PDE4B: variants seen among roughly 807,000 people sequenced by gnomAD.
PDE4B encodes the protein phosphodiesterase 4B.
Under a neutral mutation model 82.2 loss-of-function variants are expected in PDE4B, and 20 were observed. The ratio of observed to expected loss-of-function variants is 0.24; its 90% CI spans 0.17 to 0.35. The LOEUF (loss-of-function observed/expected upper bound fraction) is 0.35, where lower values mean the gene tolerates loss of function less well. Among genes scored for constraint, PDE4B ranks in the 10% least tolerant of loss-of-function variants. The pLI is 1.00. For missense variants in PDE4B, 655 were observed against 907.2 expected, an observed-to-expected ratio of 0.72 and a Z score of 3.57; for synonymous variants, 320 against 318.9, an observed-to-expected ratio of 1.00 and a Z score of -0.04.
At chr1:66,371,644 A>G (rs1417961448) in intron 16 of PDE4B, among the ~76,000 whole-genome samples, 9 of 152,116 alleles carry the variant, frequency 5.9e-5, no homozygotes, top group Admixed American at 5.9e-4. Context: ...CACCGAGGGG[A>G]TATGTGTTTC....
intron 1 of PDE4B, among the ~76,000 whole-genome samples, chr1:65,912,893 G>T (rs1298207488): frequency 6.6e-6 from 1 of 152,014 alleles, no homozygotes; most frequent in African/African-American, 2.4e-5. Context: ...ACAAACTGTT[G>T]CAAGCATCAA....
chr1:65,925,702 C>T (rs949231622), intron 3 of PDE4B, among the ~76,000 whole-genome samples: 2 of 152,072 alleles, frequency 1.3e-5, no homozygotes, highest in African/African-American at 4.8e-5. Flanking sequence ...TGTGCTGCCA[C>T]AATAAATTAA....
chr1:66,121,762 T>C (rs1304791042), intron 3 of PDE4B, among the ~76,000 whole-genome samples: 1 of 152,224 alleles, frequency 6.6e-6, no homozygotes, highest in African/African-American at 2.4e-5. Flanking sequence ...TAACTTCGTA[T>C]CCTCCAGCTT....
At chr1:65,822,098 A>G (rs1031798316) in intron 1 of PDE4B, among the ~76,000 whole-genome samples, 2 of 152,052 alleles carry the variant, frequency 1.3e-5, no homozygotes, top group African/African-American at 4.8e-5. Context: ...TGTCTTCCTG[A>G]GCAGTAGCTG....
intron 15 of PDE4B, 142 bp downstream of exon 15, chr1:66,368,207 G>A (rs1037875680): frequency 1.6e-5 from 12 of 733,028 alleles, no homozygotes; most frequent in South Asian, 7.2e-5. Context: ...TTAAGAACAA[G>A]CTAAGGAAAA....
chr1:66,200,071 C>A (rs1433463046), intron 3 of PDE4B, among the ~76,000 whole-genome samples: 2 of 152,118 alleles, frequency 1.3e-5, no homozygotes, highest in Non-Finnish European at 2.9e-5. Context: ...TATGGCTAGC[C>A]AGTTTTCCCA....
At chr1:66,332,114 T>C in intron 7 of PDE4B, 1 of 1,231,974 alleles carries the variant, frequency 8.1e-7, no homozygotes, top group Non-Finnish European at 1.0e-6. Context: ...TGACATCACA[T>C]ACCCTAAAGA....
intron 3 of PDE4B, among the ~76,000 whole-genome samples, chr1:66,152,105 A>G (rs1045352033): frequency 2.0e-5 from 3 of 152,210 alleles, no homozygotes; most frequent in African/African-American, 7.2e-5. Context: ...TTAAGAAAAT[A>G]CAAAAACAAT....
intron 3 of PDE4B, among the ~76,000 whole-genome samples, chr1:66,216,182 A>T (rs1179390886): frequency 1.3e-5 from 2 of 150,564 alleles, no homozygotes; most frequent in Non-Finnish European, 3.0e-5. Flanking sequence ...TTTATTTTTT[A>T]AAATAAATAA....
chr1:66,126,409 ACCCCC>A (rs553959759), intron 3 of PDE4B, among the ~76,000 whole-genome samples: 3 of 152,114 alleles, frequency 2.0e-5, no homozygotes, highest in Non-Finnish European at 2.9e-5. Context: ...TACTCTATGT[ACCCCC>A]CTACACATTT....
chr1:66,325,272 A>T (rs1659665024), intron 7 of PDE4B, among the ~76,000 whole-genome samples: 1 of 152,234 alleles, frequency 6.6e-6, no homozygotes, highest in African/African-American at 2.4e-5. Flanking sequence ...CACACTTCTC[A>T]TTTACAAAGA....
chr1:66,228,552 A>T (rs769977210), intron 3 of PDE4B, among the ~76,000 whole-genome samples: 10 of 151,268 alleles, frequency 6.6e-5, no homozygotes, highest in Non-Finnish European at 1.0e-4. Flanking sequence ...TGAACCCGGG[A>T]GGCGGAGCTT....
At chr1:65,927,862 C>T (rs1185436060) in intron 3 of PDE4B, among the ~76,000 whole-genome samples, 1 of 152,168 alleles carries the variant, frequency 6.6e-6, no homozygotes, top group African/African-American at 2.4e-5. Flanking sequence ...CTAAGAATGT[C>T]TATGCCTATT....
chr1:66,368,688 C>T, intron 15 of PDE4B, 99 bp from the exon 16 acceptor site: 1 of 865,906 alleles, frequency 1.2e-6, no homozygotes. Flanking sequence ...CTAAAATGTT[C>T]TCGGGTTTAG....
chr1:66,154,988 A>G (rs908178638), intron 3 of PDE4B, among the ~76,000 whole-genome samples: 1 of 152,066 alleles, frequency 6.6e-6, no homozygotes, highest in African/African-American at 2.4e-5. Context: ...GACCAGCCTG[A>G]GCAACATAGT....
At chr1:65,959,623 A>G (rs1276745876) in intron 3 of PDE4B, among the ~76,000 whole-genome samples, 1 of 152,040 alleles carries the variant, frequency 6.6e-6, no homozygotes, top group African/African-American at 2.4e-5. Flanking sequence ...TATTTTTATA[A>G]CATCATCCTG....
intron 7 of PDE4B, among the ~76,000 whole-genome samples, chr1:66,281,524 G>A (rs1160046287): frequency 6.6e-6 from 1 of 152,180 alleles, no homozygotes; most frequent in African/African-American, 2.4e-5. Context: ...AGTTTAACAT[G>A]GGTTTTCCTC....
At chr1:65,930,906 G>A (rs1647794808) in intron 3 of PDE4B, among the ~76,000 whole-genome samples, 1 of 152,172 alleles carries the variant, frequency 6.6e-6, no homozygotes, top group South Asian at 2.1e-4. Context: ...AGATTTGGGA[G>A]GGCCCAGGGG....
At chr1:66,355,425 C>T (rs776586853) in intron 8 of PDE4B, 102 bp from the exon 9 acceptor site, 1 of 624,410 alleles carries the variant, frequency 1.6e-6, no homozygotes, top group South Asian at 2.4e-5. Flanking sequence ...ATGGTATCTG[C>T]TCATCCAACC....
Sources: allele counts gnomAD v4.1 joint callset (sites outside exome capture counted in the v4.1 genomes callset), GRCh38; gene constraint gnomAD v4.1.1; transcripts MANE v1.5; gene names NCBI Gene and HGNC (gene_info 2026-07-23, HGNC 2026-07-21).